The following NKAIN4 variants were observed in gnomAD, a reference collection of about 807,000 sequenced individuals.
NKAIN4 encodes the protein sodium/potassium-transporting ATPase subunit beta-1-interacting protein 4.
A neutral mutation model predicts 28.8 loss-of-function variants in NKAIN4; 28 were observed. The ratio of observed to expected loss-of-function variants is 0.97; its 90% CI spans 0.72 to 1.33. NKAIN4 has a LOEUF of 1.33. Among genes scored for constraint, NKAIN4 ranks in the 40% most tolerant of loss-of-function variants. The probability of loss-of-function intolerance (pLI) is 0.00; values close to 1 mark genes in which losing one functional copy is unlikely to be tolerated. For synonymous variants in NKAIN4, 122 were observed against 115.6 expected (o/e 1.06, Z -0.36); for missense variants, 289 against 277.2 (o/e 1.04, Z -0.30).
chr20:63,254,242 G>A (rs2067012889), intron 1 of NKAIN4, 155 bp downstream of exon 1: 2 of 555,258 alleles, frequency 3.6e-6, no homozygotes, highest in Non-Finnish European at 5.5e-6. Flanking sequence ...CGCCACCTTC[G>A]GCCGTAGCAG....
At chr20:63,243,440 A>G (rs919251267) in intron 5 of NKAIN4, among the ~76,000 whole-genome samples, 1 of 152,096 alleles carries the variant, frequency 6.6e-6, no homozygotes, top group African/African-American at 2.4e-5. Context: ...GGGCACACCC[A>G]GACCCTGCTT....
chr20:63,251,455 A>C (rs892528656), intron 1 of NKAIN4, among the ~76,000 whole-genome samples: 10 of 152,146 alleles, frequency 6.6e-5, no homozygotes, highest in African/African-American at 2.4e-4. Flanking sequence ...CCAGTCCGCT[A>C]AGTAGCAGGT....
chr20:63,253,534 C>T, intron 1 of NKAIN4: 1 of 984,770 alleles, frequency 1.0e-6, no homozygotes, highest in Non-Finnish European at 1.2e-6. Context: ...CTGCGCTCCG[C>T]AGCCCACAAA....
intron 4 of NKAIN4, 97 bp downstream of exon 4, chr20:63,247,481 G>A (rs777012004): frequency 1.4e-5 from 22 of 1,547,552 alleles, no homozygotes; most frequent in Admixed American, 9.8e-5. Flanking sequence ...CCTGAGGCCA[G>A]GTCAGCTGGC....
Position 63,248,798 on chromosome 20 carries a change from TC to T in NKAIN4, c.273+16del. On this transcript the variant is annotated intron_variant, in intron 3 of 6. Coordinates refer to ENST00000370316, the MANE Select transcript of NKAIN4 (RefSeq NM_152864.4). ...CCCCAGGGAAGGACCTCGCGCTGCC[TC>T]CCAGTCTGCACTCACCTTTAAGAGG... is the stretch of plus-strand genomic sequence containing the variant. 6.3e-7 allele frequency: 1 copy of T among 1,583,094 alleles called. No homozygotes were observed. Among genetic ancestry groups the T allele is most frequent in the Non-Finnish European group, 8.7e-7 (1 of 1,153,352 alleles).
intron 1 of NKAIN4, chr20:63,253,516 C>G: frequency 2.0e-6 from 2 of 985,534 alleles, no homozygotes; most frequent in Non-Finnish European, 2.4e-6. Flanking sequence ...GGGGGGCGCG[C>G]GGTCCAGCTG....
At position 63,246,513 on chromosome 20, in the gene NKAIN4, C is replaced by T. The variant is rs879202408; in HGVS notation, c.471+1065G>A. 1.7e-5 allele frequency: 17 copies of T among 985,300 alleles called. No individual in the cohort carries two copies. The East Asian group carries it at 4.5e-4, about 26-fold the overall frequency. The allele number at this position is 985,300 out of a possible 1,614,324, so 61.0% of individuals were successfully genotyped here. A position where few individuals can be genotyped will look rare whatever the true frequency, so the allele number is the denominator to read the frequency against. ...CCCAGGAAGGAGCCCCGGGAGCTCA[C>T]GAGGCCACCCGCACCGTCACGTGTG... On this transcript the variant is annotated intron_variant, in intron 4 of 6. Transcript: ENST00000370316.
In NKAIN4 at chr20:63,248,851, G is replaced by A; in HGVS notation, c.237C>T (p.Ile79=). 1 of 1,612,916 alleles carries A rather than the reference G, an allele frequency of 6.2e-7. No homozygotes were observed. Among genetic ancestry groups the A allele is most frequent in the Non-Finnish European group, 8.5e-7 (1 of 1,179,870 alleles). The change falls in exon 3 of 7, where the codon ATC becomes ATT. Residue 79 remains isoleucine, a synonymous_variant. Transcript: ENST00000370316. The part of the protein sequence containing the change: ...AAVWVTWNVF[I]ICFYLEVGGL... ...CACCGACTTCCAGGTAGAAGCAGAT[G>A]ATGAAGACGTTCCAGGTGACCCAGA...
chr20:63,250,709 G>C (rs1262905719), intron 1 of NKAIN4, among the ~76,000 whole-genome samples: 2 of 152,160 alleles, frequency 1.3e-5, no homozygotes, highest in African/African-American at 4.8e-5. Context: ...GGGAGGGAAA[G>C]GTGCCTGAGG....
At position 63,252,798 on chromosome 20, in the gene NKAIN4, T is replaced by C. The variant is rs564489102; in HGVS notation, c.54+1599A>G. Reference sequence around the variant, plus strand: ...CCAAGGGCCTGCATGTGCGCCCATCTGTCTACTGTCCACCGCAGAGGTGAA... The same window carrying C: ...CCAAGGGCCTGCATGTGCGCCCATCCGTCTACTGTCCACCGCAGAGGTGAA... On this transcript the variant is annotated intron_variant, in intron 1 of 6. Transcript: ENST00000370316. The surrounding 1 kb of genome is among the most constrained non-coding windows in gnomAD (Gnocchi z 4.6). Among the ~76,000 whole-genome samples the C allele has an allele frequency of 2.6e-5, 4 of 152,312 alleles. No individual in the cohort carries two copies. The South Asian group carries it at 8.3e-4, about 32-fold the overall frequency.
chr20:63,247,674 C>T lies in NKAIN4; in HGVS notation c.375G>A (p.Gly125=), dbSNP rs1160073572. 2 of 1,543,216 alleles carry T rather than the reference C, an allele frequency of 1.3e-6. No individual in the cohort carries two copies. The highest frequency in any genetic ancestry group is 8.7e-7 in the Non-Finnish European group (1 of 1,143,456). ...LHEEVPAVGL[G]APHGQALVSG... is the part of the protein sequence containing the mutation. ...ACACCAGGGCCTGGCCATGGGGGGC[C>T]CCGAGGCCCACTGCTGGCACCTCCT... The change falls in exon 4 of 7, where the codon GGG becomes GGA. Residue 125 remains glycine, a synonymous_variant. Coordinates refer to ENST00000370316, the MANE Select transcript of NKAIN4 (RefSeq NM_152864.4).
chr20:63,247,965 A>C (rs1375413392), intron 3 of NKAIN4, among the ~76,000 whole-genome samples, 190 bp from the exon 4 acceptor site: 1 of 150,300 alleles, frequency 6.7e-6, no homozygotes, highest in Non-Finnish European at 1.5e-5. Context: ...AGGCCCTCCC[A>C]GCCGCTCCTG....
chr20:63,248,950 C>T, intron 2 of NKAIN4, 55 bp from the exon 3 acceptor site: 1 of 1,226,458 alleles, frequency 8.2e-7, no homozygotes. Context: ...GGCACACCTG[C>T]TTGCATCCAG....
chr20:63,247,715 G>T lies in NKAIN4; in HGVS notation c.334C>A (p.Pro112Thr). 1.3e-6 allele frequency: 2 copies of T among 1,515,350 alleles called. No homozygotes were observed. The highest frequency in any genetic ancestry group is 1.8e-6 in the Non-Finnish European group (2 of 1,129,430). 93.9% of individuals were successfully genotyped at this position (1,515,350 alleles called of 1,614,324 possible). ...GGCACCTCCTCATGCAGACAGCCTG[G>T]CCAGCGCTCACGCCACCAGGAGCGA... ...RHRSWWRERW[P>T]GCLHEEVPAV... Residue 112 changes from proline (P) to threonine (T), a missense_variant, in exon 4 of 7, where the codon CCA (proline) becomes ACA (threonine). Coordinates refer to ENST00000370316, the MANE Select transcript of NKAIN4 (RefSeq NM_152864.4).
chr20:63,254,395 AC>A lies in NKAIN4; in HGVS notation c.54+1del. On this transcript the variant is annotated splice_donor_variant, in intron 1 of 6. Coordinates refer to ENST00000370316, the MANE Select transcript of NKAIN4 (RefSeq NM_152864.4). LOFTEE classifies it high-confidence loss of function. ...GAGGCTCGCGGAGGGGTCGCCACTC[AC>A]CAGCTGAAAAGCGCAGAGGACGACG... 6.9e-7 allele frequency: 1 copy of A among 1,451,746 alleles called. No homozygotes were observed. Among genetic ancestry groups the A allele is most frequent in the Admixed American group, 2.5e-5 (1 of 40,248 alleles). 89.9% of individuals were successfully genotyped at this position (1,451,746 alleles called of 1,614,324 possible).
rs2066748050 is a variant in NKAIN4 at position 63,241,396 on chromosome 20, G to A, written c.*101C>T. ...AGGTGCTGCCGGCCGCCTGGGGGGT[G>A]CTGGGTGGGGGCGCGTCCCAAGGCC... is the stretch of plus-strand genomic sequence containing the variant. On this transcript the variant is annotated 3_prime_UTR_variant, in exon 7 of 7. Transcript: ENST00000370316. 2.3e-6 allele frequency: 3 copies of A among 1,303,996 alleles called. No individual in the cohort carries two copies. The highest frequency in any genetic ancestry group is 1.1e-6 in the Non-Finnish European group (1 of 923,816). 80.8% of individuals were successfully genotyped at this position (1,303,996 alleles called of 1,614,324 possible).
chr20:63,248,749 G>T (rs578211100), intron 3 of NKAIN4, 66 bp downstream of exon 3: 5 of 999,452 alleles, frequency 5.0e-6, no homozygotes, highest in African/African-American at 3.2e-5. Context: ...AACACAGGGG[G>T]TGTTACCAGG....
intron 2 of NKAIN4, 41 bp from the exon 3 acceptor site, chr20:63,248,936 C>A: frequency 7.5e-7 from 1 of 1,335,220 alleles, no homozygotes; most frequent in South Asian, 1.2e-5. Flanking sequence ...GAACACAGCT[C>A]CCGGGCACAC....
chr20:63,242,701 G>T, intron 5 of NKAIN4, 78 bp from the exon 6 acceptor site: 1 of 961,030 alleles, frequency 1.0e-6, no homozygotes, highest in South Asian at 1.3e-5. Flanking sequence ...AGCCCAACCA[G>T]ACAAAGAAGC....
Sources: gnomAD v4.1 joint callset for allele counts (sites outside exome capture counted in the v4.1 genomes callset) on GRCh38, gnomAD v4.1.1 for gene constraint, Gnocchi (gnomAD v3.1) non-coding constraint, MANE v1.5 for transcripts, NCBI Gene and HGNC (gene_info 2026-07-23, HGNC 2026-07-21) for gene names.